Variants in DNM2 observed in about 807,000 individuals in gnomAD.
DNM2 encodes the protein dynamin 2, also known as dynamin-2.
In DNM2, 15 loss-of-function variants were observed where a neutral mutation model predicts 99.0. The observed-to-expected ratio is 0.15, with a 90% CI of 0.10 to 0.23. The LOEUF (loss-of-function observed/expected upper bound fraction) is 0.23, where lower values mean the gene tolerates loss of function less well. DNM2 is among the 10% of genes least tolerant of loss of function. The probability of loss-of-function intolerance (pLI) is 1.00; values close to 1 mark genes in which losing one functional copy is unlikely to be tolerated. For missense variants in DNM2, 742 were observed against 1,189.4 expected, an observed-to-expected ratio of 0.62 and a Z score of 5.53; for synonymous variants, 525 against 481.2, an observed-to-expected ratio of 1.09 and a Z score of -1.19.
chr19:10,751,199 G>C (rs536908917), intron 1 of DNM2, among the ~76,000 whole-genome samples: 1 of 152,216 alleles, frequency 6.6e-6, no homozygotes, highest in Admixed American at 6.5e-5. Context: ...GAATCACTCT[G>C]AGCTTGGCAA....
Position 10,772,369 on chromosome 19 carries a change from G to A in DNM2, c.236-110G>A. 3.4e-6 allele frequency: 5 copies of A among 1,463,030 alleles called. No homozygotes were observed. The highest frequency in any genetic ancestry group is 4.7e-6 in the Non-Finnish European group (5 of 1,057,922). The allele number at this position is 1,463,030 out of a possible 1,614,324, so 90.6% of individuals were successfully genotyped here. On this transcript the variant is annotated intron_variant, in intron 2 of 20. Transcript: ENST00000389253. The surrounding 1 kb of genome is among the most constrained non-coding windows in gnomAD (Gnocchi z 4.9). ...GCTGGGATTACAGGCGTGAGCTACTGTGCCCAGCCTGGGTCATTACTTTCA... is the reference window on the plus strand; with the variant it reads ...GCTGGGATTACAGGCGTGAGCTACTATGCCCAGCCTGGGTCATTACTTTCA...
chr19:10,779,502 C>CTTTTTTTTTTTTTTTTTTTTTT lies in DNM2; in HGVS notation c.688+2290_688+2311dup, dbSNP rs55819116. Reference sequence around the variant, plus strand: ...TCTTTCTTTCTTTCTTTCTTTCTTTCTTTTTTTTTTTTTTTTTTTTTTTTT... The same window carrying CTTTTTTTTTTTTTTTTTTTTTT: ...TCTTTCTTTCTTTCTTTCTTTCTTTCTTTTTTTTTTTTTTTTTTTTTTTTTTTTTTTTTTTTTTTTTTTTTTT... On this transcript the variant is annotated intron_variant, in intron 5 of 20. Coordinates refer to ENST00000389253, the MANE Select transcript of DNM2 (RefSeq NM_001005361.3). 7.1e-4 allele frequency among the ~76,000 whole-genome samples: 21 copies of CTTTTTTTTTTTTTTTTTTTTTT among 29,600 alleles called. 3 individuals carry two copies. The highest frequency in any genetic ancestry group is 5.7e-3 in the East Asian group (5 of 884). The allele number at this position is 29,600 out of a possible 152,430, so 19.4% of individuals were successfully genotyped here. A position where few individuals can be genotyped will look rare whatever the true frequency, so the allele number is the denominator to read the frequency against.
intron 1 of DNM2, among the ~76,000 whole-genome samples, chr19:10,752,774 G>A (rs1394452205): frequency 1.3e-5 from 2 of 152,164 alleles, no homozygotes; most frequent in Admixed American, 6.6e-5. Flanking sequence ...TGGGTTAATA[G>A]GCAGGTGCAG....
chr19:10,828,997 T>C (rs373891817), intron 18 of DNM2, 39 bp from the exon 19 acceptor site: 2 of 1,587,910 alleles, frequency 1.3e-6, no homozygotes, highest in African/African-American at 2.7e-5. Flanking sequence ...TGGGTTGGGG[T>C]GATACACAAG....
rs991829064 is a variant in DNM2 at position 10,820,734 on chromosome 19, AGT to A, written c.1781+649_1781+650del. Among the ~76,000 whole-genome samples, 23 of 149,756 alleles carry A rather than the reference AGT, an allele frequency of 1.5e-4. No homozygotes were observed. Among genetic ancestry groups the A allele is most frequent in the African/African-American group, 5.0e-4 (20 of 40,370 alleles). ...AGGGAGGCACCTGGGTAGATCGAGG[AGT>A]GTGATGTCCAGGAACGAGCTCCAGT... is the stretch of plus-strand genomic sequence containing the variant. On this transcript the variant is annotated intron_variant, in intron 16 of 20. Transcript: ENST00000389253. This position sits in a 1 kb window ranked among gnomAD's most constrained non-coding sequence, Gnocchi z 4.3.
chr19:10,766,048 A>G (rs2070785640), intron 2 of DNM2, among the ~76,000 whole-genome samples: 1 of 152,044 alleles, frequency 6.6e-6, no homozygotes, highest in South Asian at 2.1e-4. Context: ...CATTTTGGGG[A>G]AACTGAGGTG....
rs1183837355 is a variant in DNM2 at position 10,831,372 on chromosome 19, T to G, written c.*325T>G. 1 of 1,108,468 alleles carries G rather than the reference T, an allele frequency of 9.0e-7. No individual in the cohort carries two copies. The highest frequency in any genetic ancestry group is 1.1e-6 in the Non-Finnish European group (1 of 908,886). The allele number at this position is 1,108,468 out of a possible 1,614,324, so 68.7% of individuals were successfully genotyped here. A position where few individuals can be genotyped will look rare whatever the true frequency, so the allele number is the denominator to read the frequency against. On this transcript the variant is annotated 3_prime_UTR_variant, in exon 21 of 21. Transcript: ENST00000389253. This position sits in a 1 kb window ranked among gnomAD's most constrained non-coding sequence, Gnocchi z 4.3. ...CAGCCTGGGGGGGACTCTACCAAGG[T>G]CTTCTTGGGCTGGGAAAGCCCATGT...
chr19:10,746,500 T>C (rs1292583087), intron 1 of DNM2, among the ~76,000 whole-genome samples: 1 of 152,066 alleles, frequency 6.6e-6, no homozygotes, highest in Admixed American at 6.6e-5. Flanking sequence ...CTTGGCTGAC[T>C]GTAACCTCTG....
In DNM2 at chr19:10,831,712, G is replaced by T; in HGVS notation, c.*665G>T. The T allele has an allele frequency of 1.0e-6, 1 of 986,476 alleles. No individual in the cohort carries two copies. Among genetic ancestry groups the T allele is most frequent in the Non-Finnish European group, 1.2e-6 (1 of 830,488 alleles). The allele number at this position is 986,476 out of a possible 1,614,324, so 61.1% of individuals were successfully genotyped here. A position where few individuals can be genotyped will look rare whatever the true frequency, so the allele number is the denominator to read the frequency against. ...TGGGTCCCCCAGGGTGGCTGGGCTT[G>T]GGCTATGTGGGTGGTGGTGGCGGGG... On this transcript the variant is annotated 3_prime_UTR_variant, in exon 21 of 21. Coordinates refer to ENST00000389253, the MANE Select transcript of DNM2 (RefSeq NM_001005361.3). This position sits in a 1 kb window ranked among gnomAD's most constrained non-coding sequence, Gnocchi z 4.3.
intron 15 of DNM2, among the ~76,000 whole-genome samples, chr19:10,815,109 G>GT (rs1486770351): frequency 1.3e-5 from 2 of 152,114 alleles, no homozygotes; most frequent in African/African-American, 4.8e-5. Context: ...TCTTGCTCAC[G>GT]TCTCAGTGAG....
At chr19:10,720,002 CA>C (rs2068883018) in intron 1 of DNM2, among the ~76,000 whole-genome samples, 2 of 151,138 alleles carry the variant, frequency 1.3e-5, no homozygotes, top group East Asian at 3.9e-4. Context: ...GACTTGCAGC[CA>C]GCTGGGCCTG....
chr19:10,719,161 C>T (rs1043448977), intron 1 of DNM2, among the ~76,000 whole-genome samples: 4 of 152,020 alleles, frequency 2.6e-5, no homozygotes, highest in African/African-American at 7.2e-5. Context: ...ATTCTTCTGT[C>T]TGTCTGGCCA....
At chr19:10,756,198 C>T (rs1011719573) in intron 1 of DNM2, among the ~76,000 whole-genome samples, 5 of 152,190 alleles carry the variant, frequency 3.3e-5, no homozygotes, top group African/African-American at 1.2e-4. Flanking sequence ...GGCGCCCGCT[C>T]GCTGTTTCCC....
rs1006028631 is a variant in DNM2 at position 10,756,828 on chromosome 19, G to A, written c.162-2910G>A. On this transcript the variant is annotated intron_variant, in intron 1 of 20. Transcript: ENST00000389253. ...CCAAACTGCCCTGGAATCTGCCTAC[G>A]GCCTGTCCACTGGCCTCCGTACCCC... Among the ~76,000 whole-genome samples, 11 of 152,084 alleles carry A rather than the reference G, an allele frequency of 7.2e-5. No individual in the cohort carries two copies. In the East Asian group the frequency reaches 1.2e-3, roughly 16 times the overall value.
chr19:10,791,813 C>T (rs1452941742), intron 7 of DNM2, among the ~76,000 whole-genome samples: 1 of 152,146 alleles, frequency 6.6e-6, no homozygotes, highest in African/African-American at 2.4e-5. Flanking sequence ...AGGCTGGGTG[C>T]AGTGGCTCAT....
intron 1 of DNM2, among the ~76,000 whole-genome samples, chr19:10,742,168 A>G (rs564190720): frequency 1.2e-4 from 19 of 152,056 alleles, no homozygotes; most frequent in Non-Finnish European, 2.2e-4. Flanking sequence ...CTCCTGCCAG[A>G]GACTTGGGGG....
rs779189384 is a variant in DNM2 at position 10,765,313 on chromosome 19, C to T, written c.235+5502C>T. Among the ~76,000 whole-genome samples the T allele has an allele frequency of 1.3e-5, 2 of 152,246 alleles. No homozygotes were observed. The highest frequency in any genetic ancestry group is 2.9e-5 in the Non-Finnish European group (2 of 68,044). On this transcript the variant is annotated intron_variant, in intron 2 of 20. Transcript: ENST00000389253. The surrounding 1 kb of genome is among the most constrained non-coding windows in gnomAD (Gnocchi z 4.4). ...AGCACACGAGAACAGGCATGCAGAT[C>T]GGCTCTGCCCAGCACAGGGCCTGGC...
At chr19:10,829,644 G>A (rs1374888182) in intron 19 of DNM2, among the ~76,000 whole-genome samples, 1 of 152,206 alleles carries the variant, frequency 6.6e-6, no homozygotes, top group Non-Finnish European at 1.5e-5. Flanking sequence ...AACGCAAGGC[G>A]TGGCCAGAGC....
At chr19:10,782,872 A>G in intron 5 of DNM2, 88 bp from the exon 6 acceptor site, 1 of 1,580,992 alleles carries the variant, frequency 6.3e-7, no homozygotes, top group Non-Finnish European at 8.7e-7. Flanking sequence ...GACAGGATCC[A>G]TCTCTATACT....
Sources: allele counts gnomAD v4.1 joint callset (sites outside exome capture counted in the v4.1 genomes callset), GRCh38; gene constraint gnomAD v4.1.1; non-coding constraint Gnocchi (gnomAD v3.1); transcripts MANE v1.5; gene names NCBI Gene and HGNC (gene_info 2026-07-23, HGNC 2026-07-21).